The following MAGI2 variants were observed in gnomAD, a reference collection of about 807,000 sequenced individuals.
The protein encoded by MAGI2 is membrane-associated guanylate kinase, WW and PDZ domain-containing protein 2.
Under a neutral mutation model 133.3 loss-of-function variants are expected in MAGI2, and 35 were observed. That is an observed-to-expected ratio of 0.26 (90% CI 0.20 to 0.35). The LOEUF is 0.35. MAGI2 is among the 10% of genes least tolerant of loss of function. The pLI is 1.00. For synonymous variants in MAGI2, 729 were observed against 710.6 expected, an observed-to-expected ratio of 1.03 and a Z score of -0.41; for missense variants, 1,636 against 1,863.4, an observed-to-expected ratio of 0.88 and a Z score of 2.25.
chr7:78,400,927 G>A (rs539334052), intron 6 of MAGI2, among the ~76,000 whole-genome samples: 4 of 152,068 alleles, frequency 2.6e-5, no homozygotes, highest in South Asian at 2.1e-4. Flanking sequence ...TATCTTTCTC[G>A]CTGTCATAGT....
intron 2 of MAGI2, among the ~76,000 whole-genome samples, chr7:78,888,178 G>C (rs1406631958): frequency 1.1e-4 from 17 of 152,204 alleles, no homozygotes; most frequent in Admixed American, 1.1e-3. Context: ...AGGAAGGCTG[G>C]GGGAGGGGCG....
chr7:78,723,473 A>T (rs879566443), intron 2 of MAGI2, among the ~76,000 whole-genome samples: 1 of 152,184 alleles, frequency 6.6e-6, no homozygotes, highest in Non-Finnish European at 1.5e-5. Context: ...TTGATAAGGG[A>T]CTGCTTCAAG....
chr7:79,271,182 T>C (rs533664111), intron 1 of MAGI2, among the ~76,000 whole-genome samples: 58 of 152,292 alleles, frequency 3.8e-4, no homozygotes, highest in African/African-American at 1.3e-3. Flanking sequence ...GATTTCCATC[T>C]TCTCTGAACT....
chr7:78,798,335 T>C (rs1787782607), intron 2 of MAGI2, among the ~76,000 whole-genome samples: 1 of 152,112 alleles, frequency 6.6e-6, no homozygotes, highest in African/African-American at 2.4e-5. Flanking sequence ...ATGAATTATC[T>C]CAGATGAAAA....
intron 6 of MAGI2, among the ~76,000 whole-genome samples, chr7:78,403,527 G>T (rs1436894240): frequency 6.6e-6 from 1 of 152,174 alleles, no homozygotes; most frequent in Non-Finnish European, 1.5e-5. Flanking sequence ...TAATTGGATG[G>T]CTGGGTCAAA....
intron 21 of MAGI2, among the ~76,000 whole-genome samples, chr7:78,056,149 C>A (rs1352433632): frequency 1.3e-5 from 2 of 152,142 alleles, no homozygotes; most frequent in East Asian, 3.9e-4. Flanking sequence ...TTAGATGCCT[C>A]ATGTAAGTGG....
chr7:78,130,554 A>C (rs990363423), intron 18 of MAGI2, among the ~76,000 whole-genome samples: 16 of 152,170 alleles, frequency 1.1e-4, no homozygotes, highest in Non-Finnish European at 2.1e-4. Context: ...AATTGGGAAA[A>C]ATGTTTCTGG....
At chr7:79,220,039 C>A (rs535739422) in intron 1 of MAGI2, among the ~76,000 whole-genome samples, 7 of 152,098 alleles carry the variant, frequency 4.6e-5, no homozygotes, top group African/African-American at 1.7e-4. Flanking sequence ...AAATGTCTCC[C>A]TTAATCTGCT....
At chr7:78,261,557 G>A (rs182457527) in intron 9 of MAGI2, among the ~76,000 whole-genome samples, 6 of 152,226 alleles carry the variant, frequency 3.9e-5, no homozygotes, top group Non-Finnish European at 7.4e-5. Context: ...GATTCTCACT[G>A]AATAAAGGAT....
chr7:78,913,595 G>A (rs1387964785), intron 2 of MAGI2, among the ~76,000 whole-genome samples: 1 of 152,128 alleles, frequency 6.6e-6, no homozygotes, highest in Non-Finnish European at 1.5e-5. Context: ...AACTCCTAGA[G>A]CATCAGTTCC....
At chr7:78,723,717 T>C (rs1820486871) in intron 2 of MAGI2, among the ~76,000 whole-genome samples, 1 of 152,078 alleles carries the variant, frequency 6.6e-6, no homozygotes, top group African/African-American at 2.4e-5. Flanking sequence ...CAGAGGGAAA[T>C]TGATTTGGAT....
At chr7:78,377,567 T>C (rs1794557301) in intron 6 of MAGI2, among the ~76,000 whole-genome samples, 1 of 150,528 alleles carries the variant, frequency 6.6e-6, no homozygotes. Flanking sequence ...GACTTGGCTA[T>C]GAAGGAAAAA....
chr7:79,317,506 A>G (rs1648001234), intron 1 of MAGI2, among the ~76,000 whole-genome samples: 1 of 152,242 alleles, frequency 6.6e-6, no homozygotes, highest in African/African-American at 2.4e-5. Context: ...ATAAAAACAT[A>G]CAGGTGAAGT....
At chr7:79,000,877 T>C (rs1379763910) in intron 2 of MAGI2, among the ~76,000 whole-genome samples, 1 of 152,192 alleles carries the variant, frequency 6.6e-6, no homozygotes, top group African/African-American at 2.4e-5. Context: ...AATCAGGTCT[T>C]CCACAAAACT....
chr7:79,264,436 C>T (rs1245450177), intron 1 of MAGI2, among the ~76,000 whole-genome samples: 2 of 152,114 alleles, frequency 1.3e-5, no homozygotes, highest in East Asian at 3.9e-4. Flanking sequence ...TTTTACTGCT[C>T]ACTTCCTTTT....
intron 2 of MAGI2, among the ~76,000 whole-genome samples, chr7:78,712,225 G>T (rs999748965): frequency 6.6e-6 from 1 of 152,158 alleles, no homozygotes; most frequent in African/African-American, 2.4e-5. Flanking sequence ...TAAGCTGGAT[G>T]TGATGCACAT....
chr7:78,991,655 G>T (rs182788331), intron 2 of MAGI2, among the ~76,000 whole-genome samples: 1 of 150,244 alleles, frequency 6.7e-6, no homozygotes, highest in Non-Finnish European at 1.5e-5. Context: ...GCTTGATATA[G>T]CTAGGCTTTT....
At chr7:79,314,339 C>T (rs1175969569) in intron 1 of MAGI2, among the ~76,000 whole-genome samples, 1 of 150,090 alleles carries the variant, frequency 6.7e-6, no homozygotes, top group Non-Finnish European at 1.5e-5. Flanking sequence ...AAACTCCTGA[C>T]CTCAAGTGAT....
chr7:78,764,795 T>A (rs1296554390), intron 2 of MAGI2, among the ~76,000 whole-genome samples: 1 of 152,220 alleles, frequency 6.6e-6, no homozygotes, highest in East Asian at 1.9e-4. Flanking sequence ...TCGTGCTATG[T>A]TATGCCTCAC....
Sources: allele counts gnomAD v4.1 joint callset (sites outside exome capture counted in the v4.1 genomes callset), GRCh38; gene constraint gnomAD v4.1.1; transcripts MANE v1.5; gene names NCBI Gene and HGNC (gene_info 2026-07-23, HGNC 2026-07-21).